LATS2: variants seen among roughly 807,000 people sequenced by gnomAD.
LATS2 encodes serine/threonine-protein kinase LATS2.
A neutral mutation model predicts 76.0 loss-of-function variants in LATS2; 24 were observed. The ratio of observed to expected loss-of-function variants is 0.32; its 90% CI spans 0.23 to 0.44. The LOEUF (loss-of-function observed/expected upper bound fraction) is 0.44. LATS2 is among the 20% of genes least tolerant of loss of function. The probability of loss-of-function intolerance (pLI) is 1.00; values close to 1 mark genes in which losing one functional copy is unlikely to be tolerated. For synonymous variants in LATS2, 692 were observed against 635.4 expected, an observed-to-expected ratio of 1.09 and a Z score of -1.34; for missense variants, 1,286 against 1,481.2, an observed-to-expected ratio of 0.87 and a Z score of 2.16.
chr13:21,053,801 A>C (rs2138416688), intron 1 of LATS2, among the ~76,000 whole-genome samples: 1 of 152,354 alleles, frequency 6.6e-6, no homozygotes, highest in African/African-American at 2.4e-5. Flanking sequence ...CATTATGCTA[A>C]GTGAAATAAG....
intron 1 of LATS2, among the ~76,000 whole-genome samples, chr13:21,050,125 C>CAGATAGATAGATAGATAGATAGATAGAT (rs1555228130): frequency 3.3e-4 from 23 of 69,872 alleles, no homozygotes; most frequent in African/African-American, 9.6e-4. Flanking sequence ...GTCTCATAGA[C>CAGATAGATAGATAGATAGATAGATAGAT]AGATAGATAG....
chr13:20,989,393 C>A, intron 3 of LATS2, 89 bp from the exon 4 acceptor site: 1 of 1,392,430 alleles, frequency 7.2e-7, no homozygotes, highest in Non-Finnish European at 1.0e-6. Context: ...TCTAGCGCTG[C>A]CCTCGGGGCT....
chr13:20,986,319 C>T (rs1241453593), intron 4 of LATS2, among the ~76,000 whole-genome samples: 1 of 152,166 alleles, frequency 6.6e-6, no homozygotes, highest in Admixed American at 6.5e-5. Flanking sequence ...TACCTGCACC[C>T]CATGTTTATT....
At position 20,991,618 on chromosome 13, in the gene LATS2, T is replaced by G. The variant is rs756709543; in HGVS notation, c.343-214A>C. Among the ~76,000 whole-genome samples the G allele has an allele frequency of 5.3e-5, 8 of 152,186 alleles. No individual in the cohort carries two copies. The highest frequency in any genetic ancestry group is 1.2e-4 in the Non-Finnish European group (8 of 68,038). On this transcript the variant is annotated intron_variant, in intron 2 of 7. Transcript: ENST00000382592. This position sits in a 1 kb window ranked among gnomAD's most constrained non-coding sequence, Gnocchi z 4.9. Reference sequence around the variant, plus strand: ...CAAAAGCCTAGCACAAGCCACACCATAGACTATTTAGCCTTATGTCAAGGA... The same window carrying G: ...CAAAAGCCTAGCACAAGCCACACCAGAGACTATTTAGCCTTATGTCAAGGA...
In LATS2 at chr13:20,974,753, A is replaced by C; in HGVS notation, c.*117T>G. 2 of 1,080,824 alleles carry C rather than the reference A, an allele frequency of 1.9e-6. No individual in the cohort carries two copies. The allele number at this position is 1,080,824 out of a possible 1,614,324, so 67.0% of individuals were successfully genotyped here. On this transcript the variant is annotated 3_prime_UTR_variant, in exon 8 of 8. Coordinates refer to ENST00000382592, the MANE Select transcript of LATS2 (RefSeq NM_014572.3). ...TGAAGAGCAGAATTTCAAGTGAAGT[A>C]ATCGACGGACTAATTTAAAACAAAA...
At chr13:20,984,738 T>C (rs1299791723) in intron 4 of LATS2, among the ~76,000 whole-genome samples, 2 of 152,194 alleles carry the variant, frequency 1.3e-5, no homozygotes, top group Non-Finnish European at 2.9e-5. Context: ...ATTGTTAAAA[T>C]GACCATACTA....
intron 1 of LATS2, among the ~76,000 whole-genome samples, chr13:21,059,928 CCCCT>C (rs1873572634): frequency 6.6e-6 from 1 of 151,500 alleles, no homozygotes; most frequent in South Asian, 2.1e-4. Context: ...TCGCGCCACT[CCCCT>C]CCAGCCTGGG....
chr13:21,047,804 A>G (rs1328745533), intron 1 of LATS2, among the ~76,000 whole-genome samples: 1 of 152,204 alleles, frequency 6.6e-6, no homozygotes, highest in Non-Finnish European at 1.5e-5. Context: ...AACCATATGC[A>G]ATAGCAAACA....
Position 20,981,586 on chromosome 13 carries a change from G to T in LATS2, c.2545C>A (p.Arg849=). 6 of 1,614,114 alleles carry T rather than the reference G, an allele frequency of 3.7e-6. No homozygotes were observed. The highest frequency in any genetic ancestry group is 5.1e-6 in the Non-Finnish European group (6 of 1,179,984). The change falls in exon 6 of 8, where the codon CGG becomes AGG. Residue 849 remains arginine (R), a synonymous_variant. Coordinates refer to ENST00000382592, the MANE Select transcript of LATS2 (RefSeq NM_014572.3). Reference sequence around the variant, plus strand: ...AGGGTCTTCAGCCTGTCCCCACACCGACAGTTAGACACATCATCCCAGAGG... The same window carrying T: ...AGGGTCTTCAGCCTGTCCCCACACCTACAGTTAGACACATCATCCCAGAGG... ...SDLWDDVSNC[R]CGDRLKTLEQ...
chr13:21,014,063 AG>A (rs1320139004), intron 2 of LATS2, among the ~76,000 whole-genome samples: 1 of 151,776 alleles, frequency 6.6e-6, no homozygotes, highest in Non-Finnish European at 1.5e-5. Context: ...AAACAAAGAG[AG>A]GGAAGGAAGG....
At position 20,991,318 on chromosome 13, in the gene LATS2, G is replaced by A; in HGVS notation, c.429C>T (p.Asp143=). ...LEYISKMGYL[D]PRNEQIVRVI... ...CCCGCACAATCTGCTCATTCCTCGG[G>A]TCCAGGTAGCCCATCTTGCTGATGT... The change falls in exon 3 of 8, where the codon GAC becomes GAT. Residue 143 remains aspartate, a synonymous_variant. Coordinates refer to ENST00000382592, the MANE Select transcript of LATS2 (RefSeq NM_014572.3). This position sits in a 1 kb window ranked among gnomAD's most constrained non-coding sequence, Gnocchi z 4.9. 1 of 1,614,192 alleles carries A rather than the reference G, an allele frequency of 6.2e-7. No individual in the cohort carries two copies. Among genetic ancestry groups the A allele is most frequent in the Non-Finnish European group, 8.5e-7 (1 of 1,180,030 alleles).
intron 2 of LATS2, among the ~76,000 whole-genome samples, chr13:21,031,551 G>T (rs370241513): frequency 6.6e-6 from 1 of 152,088 alleles, no homozygotes; most frequent in East Asian, 1.9e-4. Context: ...CCATTTCTCT[G>T]TAAAGATTTC....
chr13:20,984,584 C>A (rs1482718168), intron 4 of LATS2, among the ~76,000 whole-genome samples: 1 of 151,928 alleles, frequency 6.6e-6, no homozygotes, highest in African/African-American at 2.4e-5. Context: ...CCATTTACAA[C>A]AGCTATAAAA....
rs201638691 is a variant in LATS2 at position 20,981,419 on chromosome 13, GA to G, written c.2665+46del. On this transcript the variant is annotated intron_variant, in intron 6 of 7. Transcript: ENST00000382592. The stretch of plus-strand genomic sequence containing the variant: ...AGCCAGCGAGACTCAGCTCACGTCT[GA>G]AGGGAAGGAGACCTCCTGCGGGGTG... 1.8e-3 allele frequency: 2,820 copies of G among 1,561,336 alleles called. 44 individuals are homozygous for G. The African/African-American group carries it at 0.034, about 19-fold the overall frequency.
chr13:20,982,859 TG>T (rs1204314240), intron 5 of LATS2, among the ~76,000 whole-genome samples: 1 of 151,310 alleles, frequency 6.6e-6, no homozygotes, highest in East Asian at 2.0e-4. Context: ...GAGGTGGTGG[TG>T]CGTGACTGTA....
At position 20,988,423 on chromosome 13, in the gene LATS2, C is replaced by A; in HGVS notation, c.1357G>T (p.Glu453Ter). 6.9e-7 allele frequency: 1 copy of A among 1,456,240 alleles called. No homozygotes were observed. The highest frequency in any genetic ancestry group is 9.0e-7 in the Non-Finnish European group (1 of 1,112,800). 90.2% of individuals were successfully genotyped at this position (1,456,240 alleles called of 1,614,324 possible). A position where few individuals can be genotyped will look rare whatever the true frequency, so the allele number is the denominator to read the frequency against. The change falls in exon 4 of 8, where the codon GAG becomes TAG. Residue 453 changes from glutamate (E) to a stop codon, truncating the protein, a stop_gained. Transcript: ENST00000382592. LOFTEE classifies it high-confidence loss of function. ...PVKSVRVLRPEPQTAVGPSHP... is the reference protein window; with the variant it reads ...PVKSVRVLRP ...GAGGGCCCCACAGCCGTCTGCGGCT[C>A]CGGCCTCAGCACACGCACGCTCTTC... is the stretch of plus-strand genomic sequence containing the variant.
chr13:21,005,853 C>G (rs533896), intron 2 of LATS2, among the ~76,000 whole-genome samples: 6,522 of 150,882 alleles, frequency 0.043, 489 homozygotes, highest in African/African-American at 0.15. Flanking sequence ...TGGCTTACGC[C>G]TATTAATCCC....
rs56116059 is a variant in LATS2, at chr13:20,975,063, A to G, written c.3074T>C (p.Leu1025Pro). ...SEGSTKAWDTLTSPNNKHPEH... is the reference protein window; with the variant it reads ...SEGSTKAWDTPTSPNNKHPEH... The stretch of plus-strand genomic sequence containing the variant: ...AGGATGCTTGTTATTGGGCGAGGTG[A>G]GTGTGTCCCAGGCCTTGGTGCTACC... The change falls in exon 8 of 8, where the codon CTC becomes CCC. Residue 1025 changes from leucine to proline, a missense_variant. This residue lies in a region of LATS2 where 210 missense variants were observed against 234.9 expected (regional missense o/e 0.89). Transcript: ENST00000382592. The G allele has an allele frequency of 2.0e-3, 3,179 of 1,614,198 alleles. 7 individuals carry two copies. Among genetic ancestry groups the G allele is most frequent in the Admixed American group, 3.5e-3 (212 of 60,028 alleles).
In LATS2 at chr13:20,994,294, A is replaced by G. The variant is rs75505906; in HGVS notation, c.343-2890T>C. On this transcript the variant is annotated intron_variant, in intron 2 of 7. Transcript: ENST00000382592. ...ATGTCCTTTGAGGCTTGCCCTTGTTATCTGTCCATCAACCCTTCTTTAGCA... is the reference window on the plus strand; with the variant it reads ...ATGTCCTTTGAGGCTTGCCCTTGTTGTCTGTCCATCAACCCTTCTTTAGCA... 9.4e-3 allele frequency among the ~76,000 whole-genome samples: 1,428 copies of G among 152,328 alleles called. 28 individuals are homozygous for G. Among genetic ancestry groups the G allele is most frequent in the African/African-American group, 0.032 (1,344 of 41,582 alleles).
Sources: allele counts gnomAD v4.1 joint callset (sites outside exome capture counted in the v4.1 genomes callset), GRCh38; gene constraint gnomAD v4.1.1; regional missense constraint gnomAD v4.1.1; non-coding constraint Gnocchi (gnomAD v3.1); transcripts MANE v1.5; gene names NCBI Gene and HGNC (gene_info 2026-07-23, HGNC 2026-07-21).